The following ZNF385D variants were observed in gnomAD, a reference collection of about 807,000 sequenced individuals.
ZNF385D encodes the protein zinc finger protein 659.
In ZNF385D, 15 loss-of-function variants were observed where a neutral mutation model predicts 35.8. The observed-to-expected ratio is 0.42, with a 90% CI of 0.28 to 0.64. The LOEUF (loss-of-function observed/expected upper bound fraction) is 0.64, where lower values mean the gene tolerates loss of function less well. ZNF385D is among the 30% of genes least tolerant of loss of function. The pLI, the probability that ZNF385D is intolerant of heterozygous loss-of-function variation, is 0.23. For missense variants in ZNF385D, 474 were observed against 494.6 expected (o/e 0.96, Z 0.39); for synonymous variants, 212 against 186.8 (o/e 1.13, Z -1.10).
Position 21,841,773 on chromosome 3 carries a change from T to C in ZNF385D, c.326-176745A>G, listed in dbSNP as rs142275668. 1.4e-4 allele frequency among the ~76,000 whole-genome samples: 22 copies of C among 152,046 alleles called. 1 individual carries two copies. In the East Asian group the frequency reaches 3.3e-3, roughly 23 times the overall value. On this transcript the variant is annotated intron_variant, in intron 3 of 5. Transcript: ENST00000494108. ...TTAATTTAGGAAGACCTTGACTTTA[T>C]TGGTTTAATTTTTGATGTATTTTGT... is the stretch of plus-strand genomic sequence containing the variant.
chr3:22,117,574 AT>A (rs140745942), intron 3 of ZNF385D, among the ~76,000 whole-genome samples: 24,835 of 149,520 alleles, frequency 0.17, 2,596 homozygotes, highest in Middle Eastern at 0.27. Context: ...TTATTCCACT[AT>A]TTTTTTTTTA....
intron 3 of ZNF385D, among the ~76,000 whole-genome samples, chr3:21,768,110 G>T (rs987056354): frequency 6.6e-6 from 1 of 152,012 alleles, no homozygotes; most frequent in Non-Finnish European, 1.5e-5. Flanking sequence ...GTGGGATAGA[G>T]ACACAAATGA....
intron 3 of ZNF385D, among the ~76,000 whole-genome samples, chr3:21,902,504 C>A (rs766508608): frequency 1.2e-4 from 18 of 152,122 alleles, no homozygotes; most frequent in Non-Finnish European, 2.4e-4. Flanking sequence ...ACTTTGTTTT[C>A]TCCTATTCCT....
chr3:22,077,175 AT>A (rs1038300916), intron 3 of ZNF385D, among the ~76,000 whole-genome samples: 1 of 151,960 alleles, frequency 6.6e-6, no homozygotes, highest in African/African-American at 2.4e-5. Flanking sequence ...TTCAGTATTG[AT>A]GTCTACTTTT....
chr3:21,850,023 C>T (rs947977214), intron 3 of ZNF385D, among the ~76,000 whole-genome samples: 1 of 152,020 alleles, frequency 6.6e-6, no homozygotes, highest in African/African-American at 2.4e-5. Flanking sequence ...GAATCACAGG[C>T]GTGAGCCACC....
At chr3:21,898,940 A>T (rs992901459) in intron 3 of ZNF385D, among the ~76,000 whole-genome samples, 49 of 152,162 alleles carry the variant, frequency 3.2e-4, no homozygotes, top group Non-Finnish European at 1.0e-4. Context: ...CTCACGTCTC[A>T]TTGGCCAGAA....
chr3:21,825,188 T>A (rs1694520749), intron 3 of ZNF385D, among the ~76,000 whole-genome samples: 1 of 152,184 alleles, frequency 6.6e-6, no homozygotes, highest in African/African-American at 2.4e-5. Flanking sequence ...AAAATTCTGA[T>A]TATTTTTTCA....
chr3:22,130,154 G>A (rs2125683855), intron 3 of ZNF385D, among the ~76,000 whole-genome samples: 1 of 152,190 alleles, frequency 6.6e-6, no homozygotes, highest in Non-Finnish European at 1.5e-5. Flanking sequence ...GACTCTGCTT[G>A]CTGCTTCATT....
chr3:22,352,139 T>C (rs377560851), intron 2 of ZNF385D, among the ~76,000 whole-genome samples: 6 of 152,288 alleles, frequency 3.9e-5, no homozygotes, highest in South Asian at 4.1e-4. Context: ...CTAAGAAGTC[T>C]GTAATAAGTT....
intron 2 of ZNF385D, among the ~76,000 whole-genome samples, chr3:22,334,226 T>G (rs186816168): frequency 8.5e-5 from 13 of 152,268 alleles, no homozygotes; most frequent in Non-Finnish European, 1.8e-4. Flanking sequence ...CTGTGTTACT[T>G]TTTCTCACCT....
intron 2 of ZNF385D, among the ~76,000 whole-genome samples, chr3:22,250,002 T>C (rs192077976): frequency 1.8e-4 from 28 of 152,266 alleles, no homozygotes; most frequent in Admixed American, 1.3e-3. Flanking sequence ...AATGTGGAAA[T>C]TTACTTTCCA....
At chr3:21,625,305 T>C (rs1281519834) in intron 2 of ZNF385D, among the ~76,000 whole-genome samples, 1 of 152,012 alleles carries the variant, frequency 6.6e-6, no homozygotes, top group African/African-American at 2.4e-5. Context: ...ACAGTTAATA[T>C]ATGAAATGAT....
At chr3:22,087,344 A>T (rs2125594628) in intron 3 of ZNF385D, among the ~76,000 whole-genome samples, 1 of 152,256 alleles carries the variant, frequency 6.6e-6, no homozygotes, top group South Asian at 2.1e-4. Flanking sequence ...ACACATGAAC[A>T]CTCAGAGAAA....
intron 3 of ZNF385D, among the ~76,000 whole-genome samples, chr3:21,950,080 G>C (rs1701992208): frequency 6.7e-6 from 1 of 148,854 alleles, no homozygotes; most frequent in African/African-American, 2.6e-5. Flanking sequence ...CCAGTAATGG[G>C]ATTGTTGAGT....
At chr3:21,907,678 T>C (rs1306652844) in intron 3 of ZNF385D, among the ~76,000 whole-genome samples, 1 of 152,130 alleles carries the variant, frequency 6.6e-6, no homozygotes, top group Non-Finnish European at 1.5e-5. Context: ...TTCCTAAAGG[T>C]TACTCATCCA....
intron 2 of ZNF385D, among the ~76,000 whole-genome samples, chr3:22,191,418 C>T (rs908670583): frequency 2.0e-5 from 3 of 149,114 alleles, no homozygotes; most frequent in Admixed American, 1.4e-4. Context: ...ACCTGGGAGG[C>T]GGAGGATGCA....
intron 2 of ZNF385D, among the ~76,000 whole-genome samples, chr3:21,601,501 AGCGT>A (rs2064289120): frequency 6.6e-6 from 1 of 152,226 alleles, no homozygotes; most frequent in Non-Finnish European, 1.5e-5. Context: ...GAGGCACTGG[AGCGT>A]TAAGCATATG....
chr3:21,839,418 T>G (rs1452961945), intron 3 of ZNF385D, among the ~76,000 whole-genome samples: 1 of 152,130 alleles, frequency 6.6e-6, no homozygotes, highest in Non-Finnish European at 1.5e-5. Context: ...TAGCCAGTCT[T>G]TGGCGCCTAG....
chr3:22,233,396 G>C (rs563443038), intron 2 of ZNF385D, among the ~76,000 whole-genome samples: 31 of 152,294 alleles, frequency 2.0e-4, no homozygotes, highest in African/African-American at 7.5e-4. Context: ...AAAGAAAGCA[G>C]ATCAGTGGTT....
Sources: allele counts gnomAD v4.1 joint callset (sites outside exome capture counted in the v4.1 genomes callset), GRCh38; gene constraint gnomAD v4.1.1; transcripts MANE v1.5; gene names NCBI Gene and HGNC (gene_info 2026-07-23, HGNC 2026-07-21).